The following R3HDM2 variants were observed in gnomAD, a reference collection of about 807,000 sequenced individuals.
The protein encoded by R3HDM2 is R3H domain containing 2, also known as R3H domain-containing protein 2.
In R3HDM2, 38 loss-of-function variants were observed where a neutral mutation model predicts 124.5. The ratio of observed to expected loss-of-function variants is 0.31; its 90% CI spans 0.24 to 0.40. R3HDM2 has a LOEUF of 0.40. Among genes scored for constraint, R3HDM2 ranks in the 10% least tolerant of loss-of-function variants. The probability of loss-of-function intolerance (pLI) is 1.00; values close to 1 mark genes in which losing one functional copy is unlikely to be tolerated. For synonymous variants in R3HDM2, 391 were observed against 448.0 expected, an observed-to-expected ratio of 0.87 and a Z score of 1.61; for missense variants, 869 against 1,236.9, an observed-to-expected ratio of 0.70 and a Z score of 4.46.
At chr12:57,315,049 T>C (rs1293707231) in intron 2 of R3HDM2, among the ~76,000 whole-genome samples, 2 of 151,576 alleles carry the variant, frequency 1.3e-5, no homozygotes, top group East Asian at 1.9e-4. Flanking sequence ...TTTTTTTTTT[T>C]TCTCTTGTTG....
At chr12:57,269,223 C>T (rs1263236620) in intron 16 of R3HDM2, 100 bp downstream of exon 16, 1 of 1,558,054 alleles carries the variant, frequency 6.4e-7, no homozygotes, top group Non-Finnish European at 8.7e-7. Context: ...ATCATTCCTG[C>T]CCCTAGACCC....
intron 2 of R3HDM2, among the ~76,000 whole-genome samples, chr12:57,314,299 G>C (rs965909369): frequency 6.6e-6 from 1 of 151,962 alleles, no homozygotes; most frequent in African/African-American, 2.4e-5. Flanking sequence ...GACCAACATG[G>C]AGAAACCCCA....
intron 3 of R3HDM2, among the ~76,000 whole-genome samples, chr12:57,306,741 G>A (rs544200068): frequency 6.6e-4 from 100 of 152,140 alleles, no homozygotes; most frequent in Non-Finnish European, 1.8e-4. Context: ...TTGGCTGGGC[G>A]GGGCGGCTCA....
At chr12:57,404,617 T>C (rs562703094) in intron 1 of R3HDM2, among the ~76,000 whole-genome samples, 1 of 152,134 alleles carries the variant, frequency 6.6e-6, no homozygotes, top group East Asian at 1.9e-4. Flanking sequence ...ACAGAATCAC[T>C]TGAACCCAGG....
chr12:57,277,694 C>T (rs1413861469), intron 14 of R3HDM2, among the ~76,000 whole-genome samples: 1 of 152,114 alleles, frequency 6.6e-6, no homozygotes, highest in Non-Finnish European at 1.5e-5. Context: ...GTAATCTGCC[C>T]TCCTCGGCCT....
chr12:57,258,310 T>TTTTATCTA (rs2039679777), intron 20 of R3HDM2, among the ~76,000 whole-genome samples, 173 bp from the exon 21 acceptor site: 1 of 145,106 alleles, frequency 6.9e-6, no homozygotes, highest in African/African-American at 2.5e-5. Context: ...ATTTATGCTA[T>TTTTATCTA]TTTATTTATT....
intron 13 of R3HDM2, among the ~76,000 whole-genome samples, chr12:57,282,319 A>T (rs2046355702): frequency 6.6e-6 from 1 of 151,636 alleles, no homozygotes; most frequent in African/African-American, 2.4e-5. Flanking sequence ...AAAAGGAAAG[A>T]AAGAAATGGT....
At chr12:57,332,410 CAAAAAAAAAAAA>C (rs10653446) in intron 2 of R3HDM2, among the ~76,000 whole-genome samples, 11 of 60,694 alleles carry the variant, frequency 1.8e-4, no homozygotes, top group African/African-American at 7.7e-4. Context: ...GACCCTGTCT[CAAAAAAAAAAAA>C]AAAAAAAAAA....
intron 2 of R3HDM2, among the ~76,000 whole-genome samples, chr12:57,340,872 G>C (rs79114563): frequency 0.056 from 8,415 of 151,442 alleles, 665 homozygotes; most frequent in African/African-American, 0.18. Context: ...TGCATGAAAA[G>C]CGACTGGAAG....
chr12:57,396,647 C>T (rs540468759), intron 1 of R3HDM2, among the ~76,000 whole-genome samples: 2 of 151,338 alleles, frequency 1.3e-5, no homozygotes, highest in South Asian at 2.1e-4. Context: ...AGTGTGTTGG[C>T]GGGCGCCTGT....
intron 16 of R3HDM2, 80 bp from the exon 17 acceptor site, chr12:57,269,162 C>G: frequency 6.4e-7 from 1 of 1,570,020 alleles, no homozygotes; most frequent in Non-Finnish European, 8.7e-7. Context: ...CTTCTCCATT[C>G]TATTTTATCT....
In R3HDM2 at chr12:57,414,181, T is replaced by C. The variant is rs1036755622; in HGVS notation, c.-106+16539A>G. On this transcript the variant is annotated intron_variant, in intron 1 of 23. Transcript: ENST00000402412. ...TCTTTTTTTTACTACAAATAACTAA[T>C]CTCATAAAAATAACAAAGAATAGGC... is the stretch of plus-strand genomic sequence containing the variant. Among the ~76,000 whole-genome samples, 3 of 149,896 alleles carry C rather than the reference T, an allele frequency of 2.0e-5. No individual in the cohort carries two copies. In the East Asian group the frequency reaches 6.1e-4, roughly 30 times the overall value.
At chr12:57,324,938 A>G (rs1166758911) in intron 2 of R3HDM2, among the ~76,000 whole-genome samples, 1 of 152,196 alleles carries the variant, frequency 6.6e-6, no homozygotes, top group Non-Finnish European at 1.5e-5. Flanking sequence ...TAGTGTCATT[A>G]TAAGAAGAGG....
chr12:57,279,539 A>G (rs575195631), intron 14 of R3HDM2, among the ~76,000 whole-genome samples: 33 of 151,054 alleles, frequency 2.2e-4, no homozygotes, highest in South Asian at 6.4e-4. Flanking sequence ...ATGGTGGCTC[A>G]TGCCTGTAAT....
At chr12:57,398,494 C>CTT (rs988085269) in intron 1 of R3HDM2, among the ~76,000 whole-genome samples, 6 of 145,542 alleles carry the variant, frequency 4.1e-5, no homozygotes, top group African/African-American at 1.3e-4. Context: ...CTTTCTCTCT[C>CTT]TTTTTTTTTT....
chr12:57,301,749 T>G (rs957085474), intron 4 of R3HDM2, among the ~76,000 whole-genome samples: 2 of 152,174 alleles, frequency 1.3e-5, no homozygotes, highest in Admixed American at 6.5e-5. Flanking sequence ...ACTCTCCAAA[T>G]TCTATCATTA....
At chr12:57,325,224 C>A (rs2057134819) in intron 2 of R3HDM2, among the ~76,000 whole-genome samples, 1 of 152,220 alleles carries the variant, frequency 6.6e-6, no homozygotes, top group Non-Finnish European at 1.5e-5. Context: ...CTCACTACAA[C>A]CTCCACCTCC....
chr12:57,343,102 A>T (rs528721816), intron 2 of R3HDM2, among the ~76,000 whole-genome samples: 1 of 152,204 alleles, frequency 6.6e-6, no homozygotes, highest in South Asian at 2.1e-4. Flanking sequence ...ATTGGTACAA[A>T]GGAGACCAGG....
At chr12:57,287,810 A>C (rs1290703072) in intron 12 of R3HDM2, among the ~76,000 whole-genome samples, 1 of 152,142 alleles carries the variant, frequency 6.6e-6, no homozygotes, top group African/African-American at 2.4e-5. Flanking sequence ...CTATTCTCTT[A>C]CCACTGCCTT....
Sources: allele counts gnomAD v4.1 joint callset (sites outside exome capture counted in the v4.1 genomes callset), GRCh38; gene constraint gnomAD v4.1.1; transcripts MANE v1.5; gene names NCBI Gene and HGNC (gene_info 2026-07-23, HGNC 2026-07-21).